The following NRG1 variants were observed in gnomAD, a reference collection of about 807,000 sequenced individuals.
NRG1 encodes neuregulin 1.
Under a neutral mutation model 63.8 loss-of-function variants are expected in NRG1, and 18 were observed. The ratio of observed to expected loss-of-function variants is 0.28; its 90% CI spans 0.19 to 0.42. NRG1 has a LOEUF of 0.42. NRG1 is among the 10% of genes least tolerant of loss of function. NRG1 has a pLI of 1.00. For synonymous variants in NRG1, 302 were observed against 301.3 expected, an observed-to-expected ratio of 1.00 and a Z score of -0.02; for missense variants, 762 against 814.7, an observed-to-expected ratio of 0.94 and a Z score of 0.79.
chr8:32,011,234 C>G (rs979217494), intron 1 of NRG1, among the ~76,000 whole-genome samples: 4 of 152,082 alleles, frequency 2.6e-5, no homozygotes, highest in Middle Eastern at 3.2e-3. Context: ...ATTATAGAAT[C>G]TGCAGGTATT....
At chr8:32,252,134 A>T (rs930325039) in intron 1 of NRG1, among the ~76,000 whole-genome samples, 1 of 152,002 alleles carries the variant, frequency 6.6e-6, no homozygotes, top group East Asian at 1.9e-4. Flanking sequence ...TTTTTCTCTC[A>T]TTCTGTAGGT....
At chr8:31,704,019 A>G (rs1810882849) in intron 1 of NRG1, among the ~76,000 whole-genome samples, 1 of 152,222 alleles carries the variant, frequency 6.6e-6, no homozygotes. Context: ...TACTTAAATG[A>G]ATCTCCAATG....
chr8:31,989,251 C>T (rs1270538387), intron 1 of NRG1, among the ~76,000 whole-genome samples: 1 of 118 alleles, frequency 8.5e-3, no homozygotes, highest in Admixed American at 0.05. Flanking sequence ...GAGACTCTGT[C>T]TCAAAAAAAA....
At chr8:31,756,740 A>T (rs1817003605) in intron 1 of NRG1, among the ~76,000 whole-genome samples, 1 of 152,192 alleles carries the variant, frequency 6.6e-6, no homozygotes, top group African/African-American at 2.4e-5. Context: ...AGAGTAAAAA[A>T]CATGTTACCT....
chr8:32,134,336 T>C (rs2131660415), intron 1 of NRG1, among the ~76,000 whole-genome samples: 1 of 152,212 alleles, frequency 6.6e-6, no homozygotes, highest in Admixed American at 6.5e-5. Context: ...GCTTAAAAAT[T>C]TCCCTATAGA....
chr8:31,892,947 A>G (rs1831267792), intron 1 of NRG1, among the ~76,000 whole-genome samples: 1 of 152,040 alleles, frequency 6.6e-6, no homozygotes, highest in African/African-American at 2.4e-5. Flanking sequence ...ATTTTCTGGT[A>G]AGATATAATA....
intron 5 of NRG1, among the ~76,000 whole-genome samples, chr8:32,684,170 A>G (rs192661765): frequency 3.9e-5 from 6 of 152,318 alleles, no homozygotes; most frequent in African/African-American, 1.2e-4. Flanking sequence ...TATCTCAAAG[A>G]AAAAAATAGT....
rs1213425794 is a variant in NRG1, at chr8:32,236,649, C to CA, written c.38-359171dup. The stretch of plus-strand genomic sequence containing the variant: ...TCTTTGTCTCAGCTTACTCGTTGCT[C>CA]AAAAAAAAGAAACATTTCAGCTCCT... On this transcript the variant is annotated intron_variant, in intron 1 of 10. Transcript: ENST00000519301. Among the ~76,000 whole-genome samples, 17 of 151,734 alleles carry CA rather than the reference C, an allele frequency of 1.1e-4. 1 individual carries two copies. Among genetic ancestry groups the CA allele is most frequent in the South Asian group, 1.0e-3 (5 of 4,794 alleles).
chr8:32,317,529 T>C (rs1183320899), intron 1 of NRG1, among the ~76,000 whole-genome samples: 1 of 152,250 alleles, frequency 6.6e-6, no homozygotes, highest in Non-Finnish European at 1.5e-5. Context: ...CTTCTCTCCT[T>C]GAGTTCTTCA....
chr8:32,717,292 A>T (rs1033293109), intron 5 of NRG1, among the ~76,000 whole-genome samples: 1 of 152,190 alleles, frequency 6.6e-6, no homozygotes, highest in Non-Finnish European at 1.5e-5. Context: ...TTAAAATTAT[A>T]TGTTTTTTTG....
chr8:31,963,961 A>G (rs145755012), intron 1 of NRG1, among the ~76,000 whole-genome samples: 118 of 152,262 alleles, frequency 7.7e-4, no homozygotes, highest in Middle Eastern at 6.8e-3. Context: ...TAGAAAATGT[A>G]TTGGAGGAGA....
At chr8:32,467,322 G>C (rs142694029) in intron 1 of NRG1, among the ~76,000 whole-genome samples, 5 of 152,092 alleles carry the variant, frequency 3.3e-5, no homozygotes, top group Non-Finnish European at 7.4e-5. Flanking sequence ...GTCTCCATCA[G>C]CCTTTTGTCA....
chr8:32,112,942 A>C (rs1324310728), intron 1 of NRG1, among the ~76,000 whole-genome samples: 2 of 152,192 alleles, frequency 1.3e-5, no homozygotes, highest in Non-Finnish European at 2.9e-5. Flanking sequence ...AATGCTGTGT[A>C]CTGGAACAGC....
intron 1 of NRG1, chr8:32,256,511 AC>A (rs1849723338): frequency 6.6e-6 from 1 of 152,176 alleles, no homozygotes. Flanking sequence ...CGGCCATACC[AC>A]CCTGAATGCG....
chr8:32,444,356 T>C (rs530700522), intron 1 of NRG1, among the ~76,000 whole-genome samples: 1 of 152,120 alleles, frequency 6.6e-6, no homozygotes, highest in East Asian at 1.9e-4. Context: ...CCTAGGCTGG[T>C]CTCAAACTCC....
chr8:32,635,719 T>C (rs953489291), intron 5 of NRG1, among the ~76,000 whole-genome samples: 1 of 152,220 alleles, frequency 6.6e-6, no homozygotes, highest in Non-Finnish European at 1.5e-5. Context: ...CCCTCTGCTA[T>C]TCTTTTGCAT....
At chr8:31,932,676 A>G (rs1007505851) in intron 1 of NRG1, among the ~76,000 whole-genome samples, 2 of 152,204 alleles carry the variant, frequency 1.3e-5, no homozygotes, top group Non-Finnish European at 2.9e-5. Flanking sequence ...TAAAATCCTC[A>G]CTTTTCACAT....
intron 1 of NRG1, among the ~76,000 whole-genome samples, chr8:32,215,277 C>T (rs1845095689): frequency 6.6e-6 from 1 of 152,088 alleles, no homozygotes; most frequent in African/African-American, 2.4e-5. Flanking sequence ...GCTATGTGGT[C>T]CCAAAAGTTG....
exon 12 of NRG1, chr8:32,767,192 T>A (rs1003228703): frequency 1.3e-5 from 2 of 152,216 alleles, no homozygotes; most frequent in Non-Finnish European, 2.9e-5. Context: ...GCATTCTAGT[T>A]TCTACAAAAT....
Sources: gnomAD v4.1 joint callset for allele counts (sites outside exome capture counted in the v4.1 genomes callset) on GRCh38, gnomAD v4.1.1 for gene constraint, MANE v1.5 for transcripts, NCBI Gene and HGNC (gene_info 2026-07-23, HGNC 2026-07-21) for gene names.